Variants in GLIS3 observed in about 807,000 individuals in gnomAD.
GLIS3 encodes zinc finger protein GLIS3.
A neutral mutation model predicts 78.6 loss-of-function variants in GLIS3; 53 were observed. That is an observed-to-expected ratio of 0.67 (90% confidence interval 0.54 to 0.85). GLIS3 has a LOEUF of 0.85. GLIS3 is among the 40% of genes least tolerant of loss of function. The pLI is 0.00. For synonymous variants in GLIS3, 684 were observed against 509.9 expected (o/e 1.34, Z -4.60); for missense variants, 1,703 against 1,231.1 (o/e 1.38, Z -5.74).
chr9:4,112,327 T>C (rs1831285173), intron 4 of GLIS3, among the ~76,000 whole-genome samples: 2 of 152,214 alleles, frequency 1.3e-5, no homozygotes, highest in Non-Finnish European at 2.9e-5. Context: ...TGTCAGGACA[T>C]TGATAATAAT....
chr9:3,874,207 C>G (rs1055094256), intron 8 of GLIS3, among the ~76,000 whole-genome samples: 20 of 152,138 alleles, frequency 1.3e-4, no homozygotes, highest in African/African-American at 4.8e-4. Context: ...GAAGAGGGGC[C>G]AAAGAGTAAA....
intron 8 of GLIS3, among the ~76,000 whole-genome samples, chr9:3,865,058 G>A (rs991121886): frequency 3.9e-5 from 6 of 152,180 alleles, no homozygotes; most frequent in African/African-American, 1.2e-4. Flanking sequence ...TTCTGGCTCC[G>A]AGGGGAGAAT....
At chr9:4,237,334 G>T (rs181035400) in intron 2 of GLIS3, among the ~76,000 whole-genome samples, 50 of 152,048 alleles carry the variant, frequency 3.3e-4, no homozygotes, top group Non-Finnish European at 5.3e-4. Context: ...ACAACATGAA[G>T]AATGAATAAC....
intron 4 of GLIS3, among the ~76,000 whole-genome samples, chr9:4,058,741 G>C (rs1039339435): frequency 6.6e-6 from 1 of 152,154 alleles, no homozygotes; most frequent in Non-Finnish European, 1.5e-5. Flanking sequence ...AGCACTTTGG[G>C]AGGCCAAGGC....
chr9:4,114,488 G>C, intron 4 of GLIS3, among the ~76,000 whole-genome samples: 1 of 152,064 alleles, frequency 6.6e-6, no homozygotes, highest in Non-Finnish European at 1.5e-5. Context: ...AAACTTAATA[G>C]AATTCAACAG....
chr9:3,855,557 G>A, intron 9 of GLIS3: 1 of 227,812 alleles, frequency 4.4e-6, no homozygotes, highest in Non-Finnish European at 8.8e-6. Flanking sequence ...GATGACATCA[G>A]CTGGGGGATC....
At chr9:4,330,090 G>C (rs780456496) in intron 2 of GLIS3, among the ~76,000 whole-genome samples, 5 of 152,082 alleles carry the variant, frequency 3.3e-5, no homozygotes, top group Non-Finnish European at 7.4e-5. Context: ...ACACAGAAAT[G>C]ACCAAAACTT....
chr9:3,876,414 C>T (rs1371244431), intron 8 of GLIS3, among the ~76,000 whole-genome samples: 1 of 151,524 alleles, frequency 6.6e-6, no homozygotes, highest in Non-Finnish European at 1.5e-5. Flanking sequence ...AAACATTATT[C>T]ACAAAATTTG....
rs535483231 is a variant in GLIS3 at position 4,315,213 on chromosome 9, G to C, written n.265-4685C>G. On this transcript the variant is annotated intron_variant and non_coding_transcript_variant, in intron 2 of 4. Coordinates refer to the GLIS3 transcript ENST00000471664. The stretch of plus-strand genomic sequence containing the variant: ...TCATGTGTCCCAGATGCATTTCCTA[G>C]TGGAAGAAACAAATCTCGTCATCTT... Among the ~76,000 whole-genome samples the C allele has an allele frequency of 3.3e-5, 5 of 152,272 alleles. No individual in the cohort carries two copies. In the South Asian group the frequency reaches 1.0e-3, roughly 32 times the overall value.
chr9:3,904,162 C>G (rs1173162125), intron 6 of GLIS3, among the ~76,000 whole-genome samples: 1 of 152,162 alleles, frequency 6.6e-6, no homozygotes, highest in African/African-American at 2.4e-5. Context: ...CTTTAGTATC[C>G]AGTTATTCAA....
At chr9:4,196,576 C>A (rs533108054) in intron 2 of GLIS3, among the ~76,000 whole-genome samples, 1 of 152,134 alleles carries the variant, frequency 6.6e-6, no homozygotes, top group Non-Finnish European at 1.5e-5. Context: ...CAACTCCAGA[C>A]GCGCTGCCTT....
Position 4,118,120 on chromosome 9 carries a change from GGCAGAGGAGGGA to G in GLIS3, c.1346_1357del (p.Leu449_Leu452del). ...AGGGGGTGGGGGGCCTGGGGGCGGC[GGCAGAGGAGGGA>G]GCGGAGGCGCGGGGGGTAGGTCTAC... On this transcript the variant is annotated inframe_deletion, in exon 4 of 11. Coordinates refer to ENST00000381971, the MANE Select transcript of GLIS3 (RefSeq NM_001042413.2). The surrounding 1 kb of genome is among the most constrained non-coding windows in gnomAD (Gnocchi z 4.7). 1 of 1,549,496 alleles carries G rather than the reference GGCAGAGGAGGGA, an allele frequency of 6.5e-7. No homozygotes were observed. The highest frequency in any genetic ancestry group is 1.9e-5 in the Admixed American group (1 of 53,348).
chr9:4,215,155 C>A (rs1477371191), intron 2 of GLIS3, among the ~76,000 whole-genome samples: 2 of 152,180 alleles, frequency 1.3e-5, no homozygotes, highest in African/African-American at 2.4e-5. Flanking sequence ...AAGACCACTT[C>A]CAACCTCCTC....
intron 2 of GLIS3, among the ~76,000 whole-genome samples, chr9:4,261,443 A>G (rs987036596): frequency 1.3e-5 from 2 of 152,198 alleles, no homozygotes; most frequent in African/African-American, 4.8e-5. Flanking sequence ...GTATGAATGG[A>G]AACATGGAGA....
chr9:3,857,892 G>A (rs748368961), intron 8 of GLIS3, among the ~76,000 whole-genome samples: 13 of 152,116 alleles, frequency 8.5e-5, no homozygotes, highest in Admixed American at 2.6e-4. Flanking sequence ...TGTTTTTAAC[G>A]TGTCTTACAA....
At chr9:3,926,767 C>T (rs200388610) in intron 6 of GLIS3, among the ~76,000 whole-genome samples, 3 of 152,032 alleles carry the variant, frequency 2.0e-5, no homozygotes, top group Non-Finnish European at 2.9e-5. Context: ...GGATTACAGG[C>T]GCACGCCACC....
chr9:4,422,608 TG>T, the GLIS3 span, among the ~76,000 whole-genome samples: 1 of 152,170 alleles, frequency 6.6e-6, no homozygotes, highest in Non-Finnish European at 1.5e-5. Flanking sequence ...ATATGAGCAC[TG>T]GGGACACAAC....
chr9:4,424,595 G>A, the GLIS3 span, among the ~76,000 whole-genome samples: 4 of 152,072 alleles, frequency 2.6e-5, no homozygotes, highest in Non-Finnish European at 4.4e-5. Flanking sequence ...ACAGAATTTC[G>A]CTCTGTCATC....
intron 2 of GLIS3, among the ~76,000 whole-genome samples, chr9:4,236,704 C>T (rs1429276747): frequency 1.3e-5 from 2 of 152,074 alleles, no homozygotes; most frequent in African/African-American, 2.4e-5. Context: ...ATTATTGAGC[C>T]CCCACTATGT....
Sources: gnomAD v4.1 joint callset for allele counts (sites outside exome capture counted in the v4.1 genomes callset) on GRCh38, gnomAD v4.1.1 for gene constraint, Gnocchi (gnomAD v3.1) non-coding constraint, MANE v1.5 for transcripts, NCBI Gene and HGNC (gene_info 2026-07-23, HGNC 2026-07-21) for gene names.